Variants in STAM2 observed in about 807,000 individuals in gnomAD.
The protein encoded by STAM2 is signal transducing adaptor molecule 2.
STAM2 carries 51 observed loss-of-function variants against 65.6 expected under a neutral mutation model. The observed-to-expected ratio is 0.78, with a 90% CI of 0.62 to 0.98. STAM2 has a LOEUF of 0.98. Ranked by LOEUF, STAM2 falls within the 50% of genes least tolerant of loss-of-function variation. STAM2 has a pLI of 0.00. For synonymous variants in STAM2, 198 were observed against 208.4 expected (o/e 0.95, Z 0.43); for missense variants, 584 against 617.8 (o/e 0.95, Z 0.58).
intron 5 of STAM2, among the ~76,000 whole-genome samples, chr2:152,145,796 T>C (rs916695124): frequency 1.3e-5 from 2 of 152,222 alleles, no homozygotes; most frequent in African/African-American, 4.8e-5. Flanking sequence ...AGGTCATGCT[T>C]GAATTTAATA....
At chr2:152,174,419 T>C (rs1191020094) in intron 1 of STAM2, among the ~76,000 whole-genome samples, 3 of 152,160 alleles carry the variant, frequency 2.0e-5, no homozygotes, top group African/African-American at 7.2e-5. Flanking sequence ...CAGTCACCTG[T>C]ATTCATCCAC....
intron 12 of STAM2, chr2:152,124,409 G>A (rs1688915261): frequency 6.5e-6 from 1 of 153,412 alleles, no homozygotes; most frequent in Non-Finnish European, 1.4e-5. Flanking sequence ...ATGGTATAAG[G>A]GTGCCAGGGC....
intron 1 of STAM2, among the ~76,000 whole-genome samples, chr2:152,152,474 G>A (rs570944125): frequency 6.6e-6 from 1 of 152,062 alleles, no homozygotes; most frequent in South Asian, 2.1e-4. Context: ...GCGTGAACCC[G>A]GGAGGCAGAG....
At chr2:152,137,815 T>C (rs1180024724) in intron 7 of STAM2, among the ~76,000 whole-genome samples, 1 of 152,184 alleles carries the variant, frequency 6.6e-6, no homozygotes, top group South Asian at 2.1e-4. Context: ...CTGATCAAAA[T>C]TTTATCTGTA....
In STAM2 at chr2:152,133,436, T is replaced by C. The variant is rs775168467; in HGVS notation, c.848A>G (p.Lys283Arg). Residue 283 changes from lysine (K) to arginine (R), a missense_variant, in exon 9 of 14, where the codon AAG becomes AGG. Physicochemically the swap from Lys to Arg is conservative, Grantham distance 26 (BLOSUM62 2). Coordinates refer to ENST00000263904, the MANE Select transcript of STAM2 (RefSeq NM_005843.6). ...NVIDDDVEEI[K>R]KSEPEPVYID... ...ATAAACAGGCTCAGGCTCTGATTTCTTAATTTCCTCCACATCATCATCAAT... is the reference window on the plus strand; with the variant it reads ...ATAAACAGGCTCAGGCTCTGATTTCCTAATTTCCTCCACATCATCATCAAT... 6.2e-7 allele frequency: 1 copy of C among 1,613,038 alleles called. No homozygotes were observed. The highest frequency in any genetic ancestry group is 1.1e-5 in the South Asian group (1 of 90,990).
At chr2:152,173,376 A>ATATATATACATATATATG (rs1689936006) in intron 1 of STAM2, among the ~76,000 whole-genome samples, 1 of 96,684 alleles carries the variant, frequency 1.0e-5, no homozygotes, top group African/African-American at 3.1e-5. Flanking sequence ...ATATATACAT[A>ATATATATACATATATATG]TATATATATA....
chr2:152,167,669 T>C (rs991154098), intron 1 of STAM2, among the ~76,000 whole-genome samples: 10 of 151,696 alleles, frequency 6.6e-5, no homozygotes, highest in Non-Finnish European at 1.3e-4. Flanking sequence ...CCGAGGCAGG[T>C]GAATCACTTG....
intron 12 of STAM2, among the ~76,000 whole-genome samples, chr2:152,125,582 A>G (rs1253536877): frequency 6.6e-6 from 1 of 152,220 alleles, no homozygotes; most frequent in Non-Finnish European, 1.5e-5. Flanking sequence ...CACACAAAAA[A>G]GGTGAAAAGT....
intron 7 of STAM2, among the ~76,000 whole-genome samples, chr2:152,138,195 A>G (rs553814779): frequency 1.6e-4 from 25 of 152,302 alleles, no homozygotes; most frequent in Non-Finnish European, 2.4e-4. Flanking sequence ...TTTCTTCCCT[A>G]TGAACATGGT....
At chr2:152,164,428 T>G (rs1326547495) in intron 1 of STAM2, among the ~76,000 whole-genome samples, 2 of 151,720 alleles carry the variant, frequency 1.3e-5, no homozygotes, top group African/African-American at 4.8e-5. Flanking sequence ...TGCAAACCTC[T>G]GCCTCCCGAG....
Position 152,122,056 on chromosome 2 carries a change from AAAT to A in STAM2, c.1350-1257_1350-1255del, listed in dbSNP as rs1295869201. On this transcript the variant is annotated intron_variant, in intron 13 of 13. Coordinates refer to ENST00000263904, the MANE Select transcript of STAM2 (RefSeq NM_005843.6). ...GAGTGAGACTCCGTCCCCAAAAAAA[AAAT>A]ATATATATATATATATATGTGTGTG... Among the ~76,000 whole-genome samples the A allele has an allele frequency of 7.9e-5, 8 of 101,492 alleles. No homozygotes were observed. The South Asian group carries it at 1.1e-3, about 14-fold the overall frequency. 66.6% of individuals were successfully genotyped at this position (101,492 alleles called of 152,430 possible).
In STAM2 at chr2:152,175,607, G is replaced by C; in HGVS notation, c.36C>G (p.Asp12Glu). The part of the protein sequence containing the change: ...PLFTANPFEQ[D>E]VEKATNEYNT... ...AGGACCGGGCACAGCACTCACCCACGTCTTGCTCGAAGGGGTTGGCGGTGA... is the reference window on the plus strand; with the variant it reads ...AGGACCGGGCACAGCACTCACCCACCTCTTGCTCGAAGGGGTTGGCGGTGA... Residue 12 changes from aspartate to glutamate, a missense_variant, in exon 1 of 14, where the codon GAC becomes GAG. Coordinates refer to ENST00000263904, the MANE Select transcript of STAM2 (RefSeq NM_005843.6). 6.2e-7 allele frequency: 1 copy of C among 1,613,870 alleles called. No homozygotes were observed. Among genetic ancestry groups the C allele is most frequent in the Non-Finnish European group, 8.5e-7 (1 of 1,179,926 alleles).
chr2:152,137,127 A>T (rs987809400), intron 7 of STAM2, among the ~76,000 whole-genome samples: 5 of 151,960 alleles, frequency 3.3e-5, no homozygotes, highest in African/African-American at 1.2e-4. Flanking sequence ...ATCTTAAGTG[A>T]TCCGCCTGCC....
intron 2 of STAM2, 99 bp downstream of exon 2, chr2:152,150,046 C>G (rs1212846202): frequency 2.5e-6 from 2 of 797,568 alleles, no homozygotes; most frequent in Non-Finnish European, 4.2e-6. Context: ...CAAGGGTCAA[C>G]TGTGATAAAG....
At chr2:152,174,408 CCA>C (rs1689969670) in intron 1 of STAM2, among the ~76,000 whole-genome samples, 1 of 152,064 alleles carries the variant, frequency 6.6e-6, no homozygotes, top group African/African-American at 2.4e-5. Flanking sequence ...CAGATTTACG[CCA>C]GTCACCTGTA....
chr2:152,117,136 ACT>A lies in STAM2; in HGVS notation c.*3436_*3437del, dbSNP rs1311510533. ...GACACAGTAAGATTTTAAAAAAAAG[ACT>A]CTCAAACTTTAATTCAGCTTGATAA... On this transcript the variant is annotated 3_prime_UTR_variant, in exon 14 of 14. Coordinates refer to ENST00000263904, the MANE Select transcript of STAM2 (RefSeq NM_005843.6). The A allele has an allele frequency of 6.6e-6, 1 of 152,068 alleles. No individual in the cohort carries two copies. The highest frequency in any genetic ancestry group is 2.4e-5 in the African/African-American group (1 of 41,416). 9.4% of individuals were successfully genotyped at this position (152,068 alleles called of 1,614,324 possible).
intron 1 of STAM2, among the ~76,000 whole-genome samples, chr2:152,162,929 G>C (rs1382594498): frequency 2.0e-5 from 3 of 152,172 alleles, no homozygotes; most frequent in Admixed American, 1.3e-4. Context: ...CAAAGTGCTG[G>C]GATTACAGGC....
chr2:152,123,734 C>T (rs994856234), intron 13 of STAM2, 32 bp downstream of exon 13: 2 of 1,603,336 alleles, frequency 1.2e-6, no homozygotes, highest in African/African-American at 2.7e-5. Context: ...AAAATTAACA[C>T]ATATAAAATT....
chr2:152,152,586 T>C (rs1050019267), intron 1 of STAM2, among the ~76,000 whole-genome samples: 14 of 151,880 alleles, frequency 9.2e-5, no homozygotes, highest in African/African-American at 3.1e-4. Context: ...CTGGCTAATA[T>C]AAATAATGCA....
Sources: allele counts gnomAD v4.1 joint callset (sites outside exome capture counted in the v4.1 genomes callset), GRCh38; gene constraint gnomAD v4.1.1; transcripts MANE v1.5; gene names NCBI Gene and HGNC (gene_info 2026-07-23, HGNC 2026-07-21).